The following PIAS2 variants were observed in gnomAD, a reference collection of about 807,000 sequenced individuals.
PIAS2 encodes protein inhibitor of activated STAT 2, also known as E3 SUMO-protein ligase PIAS2.
Under a neutral mutation model 69.7 loss-of-function variants are expected in PIAS2, and 19 were observed. That is an observed-to-expected ratio of 0.27 (90% CI 0.19 to 0.40). The LOEUF is 0.40. PIAS2 is among the 10% of genes least tolerant of loss of function. The probability of loss-of-function intolerance (pLI) is 1.00; values close to 1 mark genes in which losing one functional copy is unlikely to be tolerated. For synonymous variants in PIAS2, 261 were observed against 263.2 expected (o/e 0.99, Z 0.08); for missense variants, 624 against 757.0 (o/e 0.82, Z 2.06).
intron 1 of PIAS2, among the ~76,000 whole-genome samples, chr18:46,899,578 C>T (rs1363557824): frequency 6.6e-6 from 1 of 152,214 alleles, no homozygotes; most frequent in Non-Finnish European, 1.5e-5. Context: ...AGTGATCTTC[C>T]TGCCTCAGCC....
At chr18:46,878,734 G>A (rs2051671263) in intron 2 of PIAS2, among the ~76,000 whole-genome samples, 1 of 152,178 alleles carries the variant, frequency 6.6e-6, no homozygotes, top group South Asian at 2.1e-4. Context: ...CAGATATGGT[G>A]GCCCATGCCT....
intron 1 of PIAS2, among the ~76,000 whole-genome samples, chr18:46,897,706 A>T (rs72915060): frequency 0.077 from 11,691 of 152,220 alleles, 488 homozygotes; most frequent in African/African-American, 0.1. Context: ...TAAACAAGAA[A>T]AGAAAGAAAT....
intron 1 of PIAS2, among the ~76,000 whole-genome samples, chr18:46,902,292 C>G (rs186700833): frequency 6.6e-6 from 1 of 151,432 alleles, no homozygotes; most frequent in African/African-American, 2.4e-5. Context: ...CACGATGGCT[C>G]ACGCCTGTAA....
At chr18:46,854,707 T>C (rs1362399526) in intron 5 of PIAS2, among the ~76,000 whole-genome samples, 1 of 152,174 alleles carries the variant, frequency 6.6e-6, no homozygotes, top group African/African-American at 2.4e-5. Context: ...ACTGCTTAAA[T>C]GTGTTGTCAA....
rs1373099478 is a variant in PIAS2 at position 46,806,544 on chromosome 18, T to TG, written c.*5888dup. 3 of 151,568 alleles carry TG rather than the reference T, an allele frequency of 2.0e-5. No individual in the cohort carries two copies. Among genetic ancestry groups the TG allele is most frequent in the African/African-American group, 7.3e-5 (3 of 41,248 alleles). The allele number at this position is 151,568 out of a possible 1,614,324, so 9.4% of individuals were successfully genotyped here. A position where few individuals can be genotyped will look rare whatever the true frequency, so the allele number is the denominator to read the frequency against. On this transcript the variant is annotated 3_prime_UTR_variant, in exon 14 of 14. Transcript: ENST00000585916. ...TAATTTTTTGTATTTTTAGTAGAGA[T>TG]GGGGTTTTACCAAGTTGGCCAGGCT... is the stretch of plus-strand genomic sequence containing the variant.
chr18:46,890,885 T>G lies in PIAS2; in HGVS notation c.194A>C (p.Tyr65Ser). Reference sequence around the variant, plus strand: ...AGAAAGTCCTTCAAGAGTTCGTGGATATCGGCGTCTATACAATTCTCGGAT... The same window carrying G: ...AGAAAGTCCTTCAAGAGTTCGTGGAGATCGGCGTCTATACAATTCTCGGAT... ...IKIRELYRRR[Y>S]PRTLEGLSDL... The change falls in exon 2 of 14, where the codon TAT becomes TCT. Residue 65 changes from tyrosine to serine, a missense_variant. This residue lies in a region of PIAS2 where 339 missense variants were observed against 408.8 expected (regional missense o/e 0.83). Coordinates refer to ENST00000585916, the MANE Select transcript of PIAS2 (RefSeq NM_004671.5). The G allele has an allele frequency of 6.2e-7, 1 of 1,614,194 alleles. No homozygotes were observed. Among genetic ancestry groups the G allele is most frequent in the Non-Finnish European group, 8.5e-7 (1 of 1,180,036 alleles).
intron 8 of PIAS2, among the ~76,000 whole-genome samples, chr18:46,841,726 C>T (rs2045416761): frequency 1.3e-5 from 2 of 152,126 alleles, no homozygotes; most frequent in Non-Finnish European, 2.9e-5. Context: ...GACAGTCTCA[C>T]GAATAGACCT....
Position 46,807,372 on chromosome 18 carries a change from TATATATA to T in PIAS2, c.*5054_*5060del, listed in dbSNP as rs1460990073. 11 of 29,356 alleles carry T rather than the reference TATATATA, an allele frequency of 3.7e-4. No homozygotes were observed. Among genetic ancestry groups the T allele is most frequent in the African/African-American group, 7.0e-4 (3 of 4,258 alleles). The allele number at this position is 29,356 out of a possible 1,614,324, so 1.8% of individuals were successfully genotyped here. On this transcript the variant is annotated 3_prime_UTR_variant, in exon 14 of 14. Coordinates refer to ENST00000585916, the MANE Select transcript of PIAS2 (RefSeq NM_004671.5). ...GTCAGATTTTATATATATATATATA[TATATATA>T]TATATTTTTTTTTTTTTTTTTTTTT...
At chr18:46,878,342 C>A (rs146251035) in intron 2 of PIAS2, among the ~76,000 whole-genome samples, 2 of 152,260 alleles carry the variant, frequency 1.3e-5, no homozygotes, top group East Asian at 3.9e-4. Context: ...AAAGTCTATG[C>A]TTTTTAAGAT....
chr18:46,815,695 A>G (rs2041442308), intron 12 of PIAS2: 1 of 731,448 alleles, frequency 1.4e-6, no homozygotes, highest in Non-Finnish European at 1.7e-6. Flanking sequence ...TGAACCATCT[A>G]AAAAAAAAAA....
At position 46,806,185 on chromosome 18, in the gene PIAS2, TG is replaced by T. The variant is rs1390392809; in HGVS notation, c.*6247del. 6.6e-6 allele frequency: 1 copy of T among 152,000 alleles called. No individual in the cohort carries two copies. The highest frequency in any genetic ancestry group is 1.5e-5 in the Non-Finnish European group (1 of 68,004). 9.4% of individuals were successfully genotyped at this position (152,000 alleles called of 1,614,324 possible). A position where few individuals can be genotyped will look rare whatever the true frequency, so the allele number is the denominator to read the frequency against. The stretch of plus-strand genomic sequence containing the variant: ...CACTTCAGTTTACGCAGAGAGCTTT[TG>T]GGGTAAGTCTAGGTCAGACTCCCAA... On this transcript the variant is annotated 3_prime_UTR_variant, in exon 14 of 14. Coordinates refer to ENST00000585916, the MANE Select transcript of PIAS2 (RefSeq NM_004671.5).
intron 1 of PIAS2, among the ~76,000 whole-genome samples, chr18:46,893,255 A>G (rs1007490127): frequency 5.3e-5 from 8 of 152,252 alleles, no homozygotes; most frequent in African/African-American, 7.2e-5. Flanking sequence ...AAATACTTCA[A>G]TTGATTGTGG....
At chr18:46,861,140 C>G (rs1251854798) in intron 3 of PIAS2, among the ~76,000 whole-genome samples, 2 of 151,552 alleles carry the variant, frequency 1.3e-5, no homozygotes, top group African/African-American at 4.9e-5. Context: ...ATTAGCCAGG[C>G]ATGGTGAAGA....
intron 12 of PIAS2, chr18:46,817,683 C>T: frequency 1.0e-6 from 1 of 956,746 alleles, no homozygotes. Context: ...AGATTGTTTA[C>T]CAAGCATTAC....
At chr18:46,917,590 G>A (rs2058136944), upstream of PIAS2, 4 of 1,041,300 alleles carry the variant, frequency 3.8e-6, no homozygotes, top group Non-Finnish European at 1.2e-6. Flanking sequence ...ACCGCCTTCC[G>A]CCCGCGCCTT....
chr18:46,827,770 T>TAA (rs1343937521), intron 11 of PIAS2, 189 bp downstream of exon 11: 15 of 501,534 alleles, frequency 3.0e-5, no homozygotes, highest in Admixed American at 1.3e-4. Flanking sequence ...TCCAAAGATG[T>TAA]AAATATTTTC....
At chr18:46,877,698 G>A (rs768808150) in intron 2 of PIAS2, among the ~76,000 whole-genome samples, 1 of 152,144 alleles carries the variant, frequency 6.6e-6, no homozygotes, top group Non-Finnish European at 1.5e-5. Context: ...ACACGACACA[G>A]AACCAGGGAA....
chr18:46,876,249 T>C (rs1391582197), intron 2 of PIAS2, among the ~76,000 whole-genome samples: 1 of 152,184 alleles, frequency 6.6e-6, no homozygotes, highest in Admixed American at 6.5e-5. Flanking sequence ...TAACAAGAGA[T>C]AGCCCTCATG....
intron 2 of PIAS2, among the ~76,000 whole-genome samples, chr18:46,880,884 TTACAAA>T (rs1259532742): frequency 3.3e-5 from 5 of 152,318 alleles, no homozygotes; most frequent in Non-Finnish European, 2.9e-5. Flanking sequence ...ATCCAATTGT[TTACAAA>T]TACAGTTTTC....
Sources: gnomAD v4.1 joint callset for allele counts (sites outside exome capture counted in the v4.1 genomes callset) on GRCh38, gnomAD v4.1.1 for gene constraint, gnomAD v4.1.1 regional missense constraint, MANE v1.5 for transcripts, NCBI Gene and HGNC (gene_info 2026-07-23, HGNC 2026-07-21) for gene names.